AKAP6: variants seen among roughly 807,000 people sequenced by gnomAD.
AKAP6 encodes A-kinase anchoring protein 6.
In AKAP6, 58 loss-of-function variants were observed where a neutral mutation model predicts 188.5. The observed-to-expected ratio is 0.31, with a 90% CI of 0.25 to 0.38. The LOEUF (loss-of-function observed/expected upper bound fraction) is 0.38. Among genes scored for constraint, AKAP6 ranks in the 10% least tolerant of loss-of-function variants. AKAP6 has a pLI of 1.00. For missense variants in AKAP6, 2,710 were observed against 2,740.0 expected, an observed-to-expected ratio of 0.99 and a Z score of 0.24; for synonymous variants, 989 against 998.6, an observed-to-expected ratio of 0.99 and a Z score of 0.18.
At chr14:32,392,964 A>T (rs964793142) in intron 1 of AKAP6, among the ~76,000 whole-genome samples, 1 of 151,958 alleles carries the variant, frequency 6.6e-6, no homozygotes, top group African/African-American at 2.4e-5. Flanking sequence ...TTAATTTTTA[A>T]TTTTTTTCTT....
chr14:32,726,378 A>G (rs994775781), intron 9 of AKAP6, among the ~76,000 whole-genome samples: 1 of 152,258 alleles, frequency 6.6e-6, no homozygotes, highest in Non-Finnish European at 1.5e-5. Flanking sequence ...AAAAGAAAAG[A>G]AAAAGGGATC....
intron 7 of AKAP6, among the ~76,000 whole-genome samples, chr14:32,621,596 G>T (rs532509120): frequency 6.6e-6 from 1 of 152,036 alleles, no homozygotes; most frequent in East Asian, 1.9e-4. Flanking sequence ...CCTATCATAT[G>T]GTCTATCTTG....
At chr14:32,333,714 ATT>A (rs1352517005) in intron 1 of AKAP6, among the ~76,000 whole-genome samples, 1 of 152,014 alleles carries the variant, frequency 6.6e-6, no homozygotes, top group African/African-American at 2.4e-5. Flanking sequence ...GGCAATTAGT[ATT>A]TTTTTGGTAT....
intron 4 of AKAP6, 86 bp downstream of exon 4, chr14:32,547,085 ATAAAAT>A: frequency 8.2e-7 from 1 of 1,226,694 alleles, no homozygotes; most frequent in Admixed American, 2.4e-5. Flanking sequence ...ACACTCTATT[ATAAAAT>A]GTATGGCTAT....
chr14:32,802,447 A>G (rs888964328), intron 12 of AKAP6, among the ~76,000 whole-genome samples: 4 of 152,242 alleles, frequency 2.6e-5, no homozygotes, highest in African/African-American at 9.6e-5. Context: ...TAAATATCCA[A>G]TCCAAATAGT....
At chr14:32,655,002 G>A (rs187598406) in intron 7 of AKAP6, among the ~76,000 whole-genome samples, 2 of 152,226 alleles carry the variant, frequency 1.3e-5, no homozygotes, top group Admixed American at 1.3e-4. Context: ...TTTTTGGGTG[G>A]TAAAATATTT....
At chr14:32,419,961 A>G (rs927984678) in intron 1 of AKAP6, among the ~76,000 whole-genome samples, 4 of 152,164 alleles carry the variant, frequency 2.6e-5, no homozygotes. Flanking sequence ...TTTGGAACTA[A>G]TGCACTCTAT....
At chr14:32,704,785 G>A (rs1235555021) in intron 9 of AKAP6, among the ~76,000 whole-genome samples, 1 of 152,180 alleles carries the variant, frequency 6.6e-6, no homozygotes, top group Non-Finnish European at 1.5e-5. Flanking sequence ...AATGTTCCAT[G>A]TAATTACATC....
chr14:32,616,964 C>T (rs1417725115), intron 7 of AKAP6: 2 of 152,220 alleles, frequency 1.3e-5, no homozygotes, highest in Non-Finnish European at 2.9e-5. Context: ...TCCCCTGCGA[C>T]TTTTGTAGCC....
chr14:32,410,756 A>G (rs1889455931), intron 1 of AKAP6, among the ~76,000 whole-genome samples: 1 of 152,180 alleles, frequency 6.6e-6, no homozygotes, highest in African/African-American at 2.4e-5. Flanking sequence ...TAGGTAGACC[A>G]TATTAATAGG....
At chr14:32,619,063 C>T (rs1357714025) in intron 7 of AKAP6, among the ~76,000 whole-genome samples, 6 of 151,050 alleles carry the variant, frequency 4.0e-5, no homozygotes, top group East Asian at 1.9e-4. Flanking sequence ...TTGTGTTTCT[C>T]GTAAATCCTG....
Position 32,568,566 on chromosome 14 carries a change from A to G in AKAP6, c.2347-8554A>G, listed in dbSNP as rs559940031. ...TGAGACTTAAAGGCAGATAAAGATG[A>G]TCTGATCTGCTTATCCAGTGTCTTG... On this transcript the variant is annotated intron_variant, in intron 4 of 13. Coordinates refer to ENST00000280979, the MANE Select transcript of AKAP6 (RefSeq NM_004274.5). This position sits in a 1 kb window ranked among gnomAD's most constrained non-coding sequence, Gnocchi z 6.2. 2.6e-5 allele frequency among the ~76,000 whole-genome samples: 4 copies of G among 152,260 alleles called. No individual in the cohort carries two copies. The South Asian group carries it at 8.3e-4, about 32-fold the overall frequency.
rs754691874 is a variant in AKAP6, at chr14:32,568,144, G to A, written c.2347-8976G>A. On this transcript the variant is annotated intron_variant, in intron 4 of 13. Transcript: ENST00000280979. This position sits in a 1 kb window ranked among gnomAD's most constrained non-coding sequence, Gnocchi z 6.2. The stretch of plus-strand genomic sequence containing the variant: ...ATGATTGAACTGTGACAAGAGCTGG[G>A]GTTCTCAGAGAAGCTTGGAAAATAG... Among the ~76,000 whole-genome samples the A allele has an allele frequency of 2.6e-5, 4 of 152,146 alleles. No homozygotes were observed. The highest frequency in any genetic ancestry group is 1.5e-5 in the Non-Finnish European group (1 of 68,026).
At chr14:32,815,408 A>G (rs956113765) in intron 12 of AKAP6, among the ~76,000 whole-genome samples, 3 of 152,232 alleles carry the variant, frequency 2.0e-5, no homozygotes, top group Non-Finnish European at 2.9e-5. Context: ...GTCAGTTGTG[A>G]TAGAATTTCA....
chr14:32,602,434 G>T (rs1279296582), intron 7 of AKAP6, among the ~76,000 whole-genome samples: 1 of 152,108 alleles, frequency 6.6e-6, no homozygotes, highest in African/African-American at 2.4e-5. Context: ...GTTTGAGGCT[G>T]CAGGGAGCTA....
intron 9 of AKAP6, among the ~76,000 whole-genome samples, chr14:32,724,676 G>A (rs899279020): frequency 2.6e-5 from 4 of 151,934 alleles, no homozygotes; most frequent in Admixed American, 1.3e-4. Flanking sequence ...CTACTAAGCC[G>A]ATCACTTCAA....
intron 4 of AKAP6, among the ~76,000 whole-genome samples, chr14:32,574,710 T>C (rs1224852283): frequency 6.6e-6 from 1 of 152,164 alleles, no homozygotes; most frequent in Non-Finnish European, 1.5e-5. Context: ...TGTACAGATA[T>C]AACAACACAA....
chr14:32,564,307 T>C (rs576524925), intron 4 of AKAP6, among the ~76,000 whole-genome samples: 96 of 152,334 alleles, frequency 6.3e-4, no homozygotes, highest in African/African-American at 2.2e-3. Context: ...GTATTTATAA[T>C]ACATATTTAT....
chr14:32,428,577 A>G (rs567257413), intron 1 of AKAP6, among the ~76,000 whole-genome samples: 65 of 152,350 alleles, frequency 4.3e-4, no homozygotes, highest in Non-Finnish European at 5.9e-5. Context: ...TGAGTACAAT[A>G]GGCAAGATAC....
Sources: allele counts gnomAD v4.1 joint callset (sites outside exome capture counted in the v4.1 genomes callset), GRCh38; gene constraint gnomAD v4.1.1; non-coding constraint Gnocchi (gnomAD v3.1); transcripts MANE v1.5; gene names NCBI Gene and HGNC (gene_info 2026-07-23, HGNC 2026-07-21).